The following SP6 variants were observed in gnomAD, a reference collection of about 807,000 sequenced individuals.
SP6 encodes transcription factor Sp6.
SP6 carries 10 observed loss-of-function variants against 23.4 expected under a neutral mutation model. The observed-to-expected ratio is 0.43, with a 90% CI of 0.26 to 0.72. The LOEUF (loss-of-function observed/expected upper bound fraction) is 0.72. SP6 is among the 30% of genes least tolerant of loss of function. SP6 has a pLI of 0.23. For synonymous variants in SP6, 238 were observed against 238.7 expected (o/e 1.00, Z 0.03); for missense variants, 482 against 523.8 (o/e 0.92, Z 0.78).
intron 1 of SP6, among the ~76,000 whole-genome samples, chr17:47,850,506 A>T (rs2033942991): frequency 6.6e-6 from 1 of 152,178 alleles, no homozygotes; most frequent in Non-Finnish European, 1.5e-5. Context: ...AGGGAACAGG[A>T]TTGAGTGCCA....
chr17:47,848,173 G>A lies in SP6; in HGVS notation c.257C>T (p.Pro86Leu). The A allele has an allele frequency of 3.1e-6, 5 of 1,613,328 alleles. No individual in the cohort carries two copies. The highest frequency in any genetic ancestry group is 4.2e-6 in the Non-Finnish European group (5 of 1,179,988). The change falls in exon 2 of 2, where the codon CCC becomes CTC. Residue 86 changes from proline (P) to leucine (L), a missense_variant. Around this residue, in one of 3 missense-constraint regions of SP6, gnomAD observed 330 missense variants for 332.3 expected, o/e 0.99. Transcript: ENST00000536300. The surrounding 1 kb of genome is among the most constrained non-coding windows in gnomAD (Gnocchi z 5.3). Reference protein sequence around the residue: ...VTCEDLESDSPLAPGPFSKLL... With the variant: ...VTCEDLESDSLLAPGPFSKLL... Reference sequence around the variant, plus strand: ...CTTGGAAAAGGGGCCCGGGGCCAAGGGACTGTCGCTTTCCAGGTCCTCGCA... The same window carrying A: ...CTTGGAAAAGGGGCCCGGGGCCAAGAGACTGTCGCTTTCCAGGTCCTCGCA...
At position 47,847,624 on chromosome 17, in the gene SP6, G is replaced by A; in HGVS notation, c.806C>T (p.Ser269Leu). Residue 269 changes from serine (S) to leucine (L), a missense_variant, in exon 2 of 2, where the codon TCG (serine) becomes TTG (leucine). Ser to Leu is a moderately radical substitution (Grantham distance 145). Transcript: ENST00000536300. ...CCAGCGCAGGTGCGCCTTCAGGTGCGACGTCTTGGCGTAGGCTTTCCCGCA... is the reference window on the plus strand; with the variant it reads ...CCAGCGCAGGTGCGCCTTCAGGTGCAACGTCTTGGCGTAGGCTTTCCCGCA... ...PGCGKAYAKT[S>L]HLKAHLRWHS... is the part of the protein sequence containing the mutation. 1 of 1,613,510 alleles carries A rather than the reference G, an allele frequency of 6.2e-7. No individual in the cohort carries two copies. Among genetic ancestry groups the A allele is most frequent in the East Asian group, 2.2e-5 (1 of 44,884 alleles).
At chr17:47,857,749 T>C (rs73985418), upstream of SP6, among the ~76,000 whole-genome samples, 5,112 of 152,144 alleles carry the variant, frequency 0.034, 279 homozygotes, top group African/African-American at 0.12. Flanking sequence ...GTGGGTGCCA[T>C]GCGGCCTGTA....
chr17:47,857,939 A>G (rs1027391603), upstream of SP6, among the ~76,000 whole-genome samples: 23 of 60,486 alleles, frequency 3.8e-4, no homozygotes, highest in Non-Finnish European at 5.9e-4. Context: ...CACCTCCCCC[A>G]ACTCCAGCAG....
chr17:47,852,935 T>C (rs564298112), upstream of SP6, among the ~76,000 whole-genome samples: 1 of 152,326 alleles, frequency 6.6e-6, no homozygotes, highest in South Asian at 2.1e-4. Flanking sequence ...CTTGTTATAA[T>C]TATTAAATAA....
At chr17:47,858,943 T>G (rs2034017024), upstream of SP6, among the ~76,000 whole-genome samples, 1 of 151,896 alleles carries the variant, frequency 6.6e-6, no homozygotes, top group South Asian at 2.1e-4. Context: ...CCTGGCTAAT[T>G]TTTGTATTTT....
At chr17:47,873,672 G>A in the SP6 span, among the ~76,000 whole-genome samples, 9 of 152,158 alleles carry the variant, frequency 5.9e-5, no homozygotes, top group African/African-American at 2.2e-4. Context: ...GGGCCATCCC[G>A]CATTGCTGCC....
At chr17:47,866,640 C>T in the SP6 span, among the ~76,000 whole-genome samples, 10 of 152,306 alleles carry the variant, frequency 6.6e-5, no homozygotes, top group East Asian at 1.2e-3. Flanking sequence ...TCTGGGATCG[C>T]ATCCGCGGCC....
intron 1 of SP6, among the ~76,000 whole-genome samples, chr17:47,849,983 G>A (rs758061952): frequency 3.3e-5 from 5 of 152,180 alleles, no homozygotes; most frequent in Admixed American, 6.5e-5. Flanking sequence ...CTGATAGCCT[G>A]GGAGAGGGAG....
At chr17:47,857,589 G>C (rs913932794), upstream of SP6, among the ~76,000 whole-genome samples, 15 of 152,062 alleles carry the variant, frequency 9.9e-5, no homozygotes, top group African/African-American at 3.6e-4. Context: ...GATCAGTCAG[G>C]GGTGTGTTTA....
At chr17:47,857,775 C>T (rs1327708076), upstream of SP6, among the ~76,000 whole-genome samples, 4 of 152,074 alleles carry the variant, frequency 2.6e-5, no homozygotes, top group African/African-American at 9.6e-5. Context: ...GAGTGGGGGG[C>T]GGGACTGCAG....
At chr17:47,872,516 G>A in the SP6 span, among the ~76,000 whole-genome samples, 1 of 152,200 alleles carries the variant, frequency 6.6e-6, no homozygotes, top group Non-Finnish European at 1.5e-5. Flanking sequence ...CGGCGGCGGC[G>A]GCGATGGGGA....
chr17:47,848,454 G>T lies in SP6; in HGVS notation c.-25C>A. 6.8e-7 allele frequency: 1 copy of T among 1,475,398 alleles called. No homozygotes were observed. Among genetic ancestry groups the T allele is most frequent in the Non-Finnish European group, 9.0e-7 (1 of 1,110,272 alleles). 91.4% of individuals were successfully genotyped at this position (1,475,398 alleles called of 1,614,324 possible). ...TTGCCGGGATCCGGGGTGGGGTGAG[G>T]GCAGGGACGGTCAGGGGCACCTCAG... is the stretch of plus-strand genomic sequence containing the variant. On this transcript the variant is annotated 5_prime_UTR_variant, in exon 2 of 2. Coordinates refer to ENST00000536300, the MANE Select transcript of SP6 (RefSeq NM_001258248.2). This position sits in a 1 kb window ranked among gnomAD's most constrained non-coding sequence, Gnocchi z 5.3.
At chr17:47,875,243 C>CG in the SP6 span, among the ~76,000 whole-genome samples, 269 of 152,240 alleles carry the variant, frequency 1.8e-3, 1 homozygote, top group African/African-American at 6.0e-3. Flanking sequence ...CCTGCTTCCC[C>CG]GGGGGGGCCT....
In SP6 at chr17:47,848,600, G is replaced by T; in HGVS notation, c.-57-114C>A. On this transcript the variant is annotated intron_variant, in intron 1 of 1. Transcript: ENST00000536300. The surrounding 1 kb of genome is among the most constrained non-coding windows in gnomAD (Gnocchi z 5.3). ...AAAAGAAGGATGCACCTCTGAACGA[G>T]GACTAGAGATGAGTTTAGAGAATTC... The T allele has an allele frequency of 1.6e-6, 1 of 610,090 alleles. No individual in the cohort carries two copies. Among genetic ancestry groups the T allele is most frequent in the Non-Finnish European group, 2.9e-6 (1 of 350,468 alleles). The allele number at this position is 610,090 out of a possible 1,614,324, so 37.8% of individuals were successfully genotyped here.
upstream of SP6, among the ~76,000 whole-genome samples, chr17:47,855,122 C>T (rs1808974835): frequency 6.6e-6 from 1 of 152,208 alleles, no homozygotes; most frequent in South Asian, 2.1e-4. Flanking sequence ...ATTTCAAAAT[C>T]CCTAGCTACC....
chr17:47,851,914 C>A (rs1472365252), upstream of SP6, among the ~76,000 whole-genome samples: 3 of 151,826 alleles, frequency 2.0e-5, no homozygotes, highest in Non-Finnish European at 2.9e-5. Context: ...CAGGTCCCAG[C>A]AGCTGTCACT....
chr17:47,847,374 C>G lies in SP6; in HGVS notation c.1056G>C (p.Lys352Asn), dbSNP rs929841564. Residue 352 changes from lysine to asparagine, a missense_variant, in exon 2 of 2, where the codon AAG becomes AAC. Transcript: ENST00000536300. Reference sequence around the variant, plus strand: ...CGGGGGGCTCCACTGCGCCGCCGGCCTTGCCCTCTCCCGAGGCCGCCCCAG... The same window carrying G: ...CGGGGGGCTCCACTGCGCCGCCGGCGTTGCCCTCTCCCGAGGCCGCCCCAG... ...EAAGAASGEG[K>N]AGGAVEPPGG... The G allele has an allele frequency of 6.2e-7, 1 of 1,611,310 alleles. No homozygotes were observed. The highest frequency in any genetic ancestry group is 8.5e-7 in the Non-Finnish European group (1 of 1,179,042).
chr17:47,851,274 G>A (rs1322689731), upstream of SP6: 1 of 152,146 alleles, frequency 6.6e-6, no homozygotes, highest in Non-Finnish European at 1.5e-5. Context: ...AGCCCAGCCA[G>A]GGCCGCGAGG....
Sources: gnomAD v4.1 joint callset for allele counts (sites outside exome capture counted in the v4.1 genomes callset) on GRCh38, gnomAD v4.1.1 for gene constraint, gnomAD v4.1.1 regional missense constraint, Gnocchi (gnomAD v3.1) non-coding constraint, MANE v1.5 for transcripts, NCBI Gene and HGNC (gene_info 2026-07-23, HGNC 2026-07-21) for gene names.